C9: variants seen among roughly 807,000 people sequenced by gnomAD.
The protein encoded by C9 is complement component C9.
Under a neutral mutation model 65.4 loss-of-function variants are expected in C9, and 63 were observed. That is an observed-to-expected ratio of 0.96 (90% CI 0.79 to 1.19). The LOEUF is 1.19. Ranked by LOEUF, C9 falls within the 50% of genes most tolerant of loss-of-function variation. C9 has a pLI of 0.00. For missense variants in C9, 744 were observed against 670.1 expected, an observed-to-expected ratio of 1.11 and a Z score of -1.22; for synonymous variants, 229 against 227.9, an observed-to-expected ratio of 1.00 and a Z score of -0.04.
intron 9 of C9, among the ~76,000 whole-genome samples, chr5:39,301,193 A>C (rs1036779965): frequency 2.0e-5 from 3 of 152,180 alleles, no homozygotes; most frequent in Non-Finnish European, 2.9e-5. Context: ...TTACTTCTGT[A>C]GTATTCTTGC....
chr5:39,339,628 T>C (rs1289663791), intron 4 of C9, among the ~76,000 whole-genome samples: 1 of 148,754 alleles, frequency 6.7e-6, no homozygotes, highest in East Asian at 2.0e-4. Flanking sequence ...GCTACAATGG[T>C]CTCCAGATAC....
At chr5:39,291,629 T>TA (rs1300098861) in intron 9 of C9, among the ~76,000 whole-genome samples, 2 of 151,552 alleles carry the variant, frequency 1.3e-5, no homozygotes, top group Non-Finnish European at 2.9e-5. Context: ...GAAAAATTGC[T>TA]AAAAAAACAA....
chr5:39,331,664 G>T lies in C9; in HGVS notation c.615+12C>A. The T allele has an allele frequency of 6.2e-7, 1 of 1,613,000 alleles. No homozygotes were observed. The highest frequency in any genetic ancestry group is 8.5e-7 in the Non-Finnish European group (1 of 1,179,046). The stretch of plus-strand genomic sequence containing the variant: ...AAAGTTGAACAATGTGTTTTCCTCC[G>T]AGGAGACTTACTTCATAGATCAAAG... On this transcript the variant is annotated intron_variant, in intron 5 of 10. Coordinates refer to ENST00000263408, the MANE Select transcript of C9 (RefSeq NM_001737.5).
At chr5:39,328,509 G>A (rs1399727488) in intron 5 of C9, among the ~76,000 whole-genome samples, 2 of 152,168 alleles carry the variant, frequency 1.3e-5, no homozygotes, top group Non-Finnish European at 2.9e-5. Context: ...TTTACAAGTA[G>A]GGCAGAAAAC....
At chr5:39,302,973 A>G (rs1376662700) in intron 9 of C9, among the ~76,000 whole-genome samples, 1 of 152,170 alleles carries the variant, frequency 6.6e-6, no homozygotes, top group African/African-American at 2.4e-5. Flanking sequence ...CTTTTAGTAA[A>G]TAAAACAGTA....
intron 1 of C9, among the ~76,000 whole-genome samples, chr5:39,343,151 A>G (rs1469162155): frequency 6.6e-6 from 1 of 152,132 alleles, no homozygotes; most frequent in Non-Finnish European, 1.5e-5. Flanking sequence ...TACCGGGTTC[A>G]TCTCACTGGG....
Position 39,341,263 on chromosome 5 carries a change from T to A in C9, c.359A>T (p.Asn120Ile). 1.9e-6 allele frequency: 3 copies of A among 1,614,170 alleles called. No individual in the cohort carries two copies. Among genetic ancestry groups the A allele is most frequent in the Non-Finnish European group, 2.5e-6 (3 of 1,180,020 alleles). The change falls in exon 4 of 11, where the codon AAT becomes ATT. Residue 120 changes from asparagine to isoleucine, a missense_variant. Transcript: ENST00000263408. ...GRCIKMRLRC[N>I]GDNDCGDFSD... ...AAAGTCTCCGCAGTCATTGTCACCATTACACCGAAGTCGCATCTTTATGCA... is the reference window on the plus strand; with the variant it reads ...AAAGTCTCCGCAGTCATTGTCACCAATACACCGAAGTCGCATCTTTATGCA...
intron 1 of C9, among the ~76,000 whole-genome samples, chr5:39,364,112 C>T (rs1331703208): frequency 6.6e-6 from 1 of 152,146 alleles, no homozygotes; most frequent in Non-Finnish European, 1.5e-5. Context: ...TGAAAACAAG[C>T]TTTATTTTAT....
At chr5:39,316,689 A>G (rs1446219032) in intron 5 of C9, among the ~76,000 whole-genome samples, 1 of 152,156 alleles carries the variant, frequency 6.6e-6, no homozygotes, top group Non-Finnish European at 1.5e-5. Context: ...GTTCCTTTTT[A>G]TGGCTGCATA....
At chr5:39,302,406 T>C (rs1753302114) in intron 9 of C9, among the ~76,000 whole-genome samples, 1 of 152,168 alleles carries the variant, frequency 6.6e-6, no homozygotes, top group South Asian at 2.1e-4. Flanking sequence ...GGTGGAGATT[T>C]CCTTCAGACA....
chr5:39,345,332 A>G (rs982778886), intron 1 of C9, among the ~76,000 whole-genome samples: 2 of 152,248 alleles, frequency 1.3e-5, no homozygotes, highest in African/African-American at 2.4e-5. Context: ...AGGAAGATCT[A>G]CCAAGCAAAT....
rs1455577141 is a variant in C9 at position 39,341,603 on chromosome 5, C to T, written c.281G>A (p.Cys94Tyr). The change falls in exon 3 of 11, where the codon TGT becomes TAT. Residue 94 changes from cysteine to tyrosine, a missense_variant. Coordinates refer to ENST00000263408, the MANE Select transcript of C9 (RefSeq NM_001737.5). ...DRRQCVPTEP[C>Y]EDAEDDCGND... ...TCCGCAGTCATCCTCAGCATCCTCA[C>T]AGGGCTCTGTGGGCACACACTGTCG... 2.5e-6 allele frequency: 4 copies of T among 1,613,990 alleles called. No homozygotes were observed. The highest frequency in any genetic ancestry group is 1.3e-5 in the African/African-American group (1 of 74,918).
chr5:39,337,558 T>G (rs1326533535), intron 4 of C9, among the ~76,000 whole-genome samples: 1 of 152,254 alleles, frequency 6.6e-6, no homozygotes, highest in Non-Finnish European at 1.5e-5. Context: ...ATGCCTGCTT[T>G]CACACCTGCA....
intron 9 of C9, among the ~76,000 whole-genome samples, chr5:39,295,240 C>G (rs1282943883): frequency 2.0e-5 from 3 of 151,650 alleles, no homozygotes; most frequent in Admixed American, 1.3e-4. Context: ...TAAAGGACAC[C>G]TAAATTGGAA....
chr5:39,352,025 G>A (rs756283463), intron 1 of C9, among the ~76,000 whole-genome samples: 1 of 152,188 alleles, frequency 6.6e-6, no homozygotes, highest in African/African-American at 2.4e-5. Flanking sequence ...GAGTTCCACA[G>A]ATTGTATAGG....
intron 4 of C9, among the ~76,000 whole-genome samples, chr5:39,334,789 G>C (rs1287491354): frequency 6.6e-6 from 1 of 152,016 alleles, no homozygotes; most frequent in Non-Finnish European, 1.5e-5. Context: ...GAGCCCCTCT[G>C]CCCGGCCGCC....
At chr5:39,294,910 T>C (rs1753156757) in intron 9 of C9, among the ~76,000 whole-genome samples, 1 of 151,646 alleles carries the variant, frequency 6.6e-6, no homozygotes, top group African/African-American at 2.4e-5. Context: ...GTTCAACATA[T>C]GGAAATCAAT....
chr5:39,315,987 G>A lies in C9; in HGVS notation c.658C>T (p.Gln220Ter), dbSNP rs749205892. The A allele has an allele frequency of 6.2e-7, 1 of 1,612,144 alleles. No homozygotes were observed. Among genetic ancestry groups the A allele is most frequent in the Non-Finnish European group, 8.5e-7 (1 of 1,178,676 alleles). The change falls in exon 6 of 11, where the codon CAA becomes TAA. Residue 220 changes from glutamine to a stop codon, truncating the protein, a stop_gained. Transcript: ENST00000263408. LOFTEE classifies it high-confidence loss of function. The stretch of plus-strand genomic sequence containing the variant: ...ATGATACTTTTAAATGCTTCAATTT[G>A]TTCTTCGTAATGTTCGGTTCTGAAA... ...KNFRTEHYEE[Q>*]IEAFKSIIQE... is the part of the protein sequence containing the mutation.
intron 5 of C9, among the ~76,000 whole-genome samples, chr5:39,330,448 G>C (rs571190686): frequency 1.3e-5 from 2 of 152,194 alleles, no homozygotes; most frequent in Non-Finnish European, 2.9e-5. Flanking sequence ...GAAGCTAAGA[G>C]CTGATCACAG....
Sources: allele counts gnomAD v4.1 joint callset (sites outside exome capture counted in the v4.1 genomes callset), GRCh38; gene constraint gnomAD v4.1.1; transcripts MANE v1.5; gene names NCBI Gene and HGNC (gene_info 2026-07-23, HGNC 2026-07-21).